Variants in ZNF717 observed in about 807,000 individuals in gnomAD.
ZNF717 encodes the protein zinc finger protein 717.
In ZNF717, 9 loss-of-function variants were observed where a neutral mutation model predicts 13.8. That is an observed-to-expected ratio of 0.65 (90% CI 0.39 to 1.14). ZNF717 has a LOEUF of 1.14. Among genes scored for constraint, ZNF717 ranks in the 50% most tolerant of loss-of-function variants. The pLI is 0.01. For missense variants in ZNF717, 1,040 were observed against 1,080.7 expected (o/e 0.96, Z 0.53); for synonymous variants, 327 against 364.1 (o/e 0.90, Z 1.16).
rs1404952511 is a variant in ZNF717, at chr3:75,780,731, G to A, written c.57+2575C>T. ...AGGAATTTTTTAAGCAAAATTATGC[G>A]AGGCCATTGTTTTAAACTAAGCTCA... is the stretch of plus-strand genomic sequence containing the variant. On this transcript the variant is annotated intron_variant, in intron 2 of 4. Coordinates refer to ENST00000652011, the MANE Select transcript of ZNF717 (RefSeq NM_001290208.3). 8.5e-5 allele frequency among the ~76,000 whole-genome samples: 13 copies of A among 152,344 alleles called. No homozygotes were observed. The Middle Eastern group carries it at 0.027, about 319-fold the overall frequency.
At chr3:75,718,827 T>G (rs1575720549) in intron 4 of ZNF717, among the ~76,000 whole-genome samples, 1 of 152,324 alleles carries the variant, frequency 6.6e-6, no homozygotes, top group East Asian at 1.9e-4. Flanking sequence ...CACCTCCTGA[T>G]GTGCAGCCCG....
At position 75,739,144 on chromosome 3, in the gene ZNF717, T is replaced by C; in HGVS notation, c.479A>G (p.Asn160Ser). ...NSSGMKPGQF[N>S]DCQNMLFPIK... ...AGGGAAAAGCATGTTCTGGCAATCATTAAACTGCCCAGGCTTCATTCCTGA... is the reference window on the plus strand; with the variant it reads ...AGGGAAAAGCATGTTCTGGCAATCACTAAACTGCCCAGGCTTCATTCCTGA... The change falls in exon 5 of 5, where the codon AAT becomes AGT. Residue 160 changes from asparagine to serine, a missense_variant. Transcript: ENST00000652011. 1.3e-6 allele frequency: 2 copies of C among 1,550,810 alleles called. No homozygotes were observed. The highest frequency in any genetic ancestry group is 1.7e-6 in the Non-Finnish European group (2 of 1,146,402).
chr3:75,721,720 A>G (rs1938171166), intron 4 of ZNF717, among the ~76,000 whole-genome samples: 1 of 152,234 alleles, frequency 6.6e-6, no homozygotes, highest in South Asian at 2.1e-4. Flanking sequence ...ATTAAAAATA[A>G]TAGTGATAAA....
At chr3:75,748,428 C>T (rs1194583666) in intron 2 of ZNF717, among the ~76,000 whole-genome samples, 37 of 152,214 alleles carry the variant, frequency 2.4e-4, no homozygotes, top group African/African-American at 8.7e-4. Context: ...AACATCAATG[C>T]GAAAATCCTC....
intron 4 of ZNF717, among the ~76,000 whole-genome samples, chr3:75,740,892 G>T (rs201279822): frequency 2.0e-5 from 3 of 152,012 alleles, no homozygotes; most frequent in Admixed American, 6.6e-5. Flanking sequence ...TTTCATCATC[G>T]TTATAATGAC....
chr3:75,716,121 C>T (rs1938044983), intron 5 of ZNF717, among the ~76,000 whole-genome samples: 1 of 150,462 alleles, frequency 6.6e-6, no homozygotes, highest in Non-Finnish European at 1.5e-5. Flanking sequence ...CAGGCACATG[C>T]CACCATGCCT....
chr3:75,719,496 T>C (rs1559572345), intron 4 of ZNF717, among the ~76,000 whole-genome samples: 2 of 152,206 alleles, frequency 1.3e-5, no homozygotes, highest in Admixed American at 6.5e-5. Flanking sequence ...CATTTAGATA[T>C]GCAGACAGCC....
intron 5 of ZNF717, among the ~76,000 whole-genome samples, chr3:75,712,903 T>C (rs542811706): frequency 2.6e-5 from 4 of 151,936 alleles, no homozygotes; most frequent in Non-Finnish European, 4.4e-5. Context: ...ACATTTTTTC[T>C]TATTAAAAAT....
chr3:75,758,664 C>T (rs1238275343), intron 2 of ZNF717, among the ~76,000 whole-genome samples: 1 of 152,198 alleles, frequency 6.6e-6, no homozygotes. Flanking sequence ...GCCACAGCTA[C>T]CCCAACCCTC....
intron 2 of ZNF717, among the ~76,000 whole-genome samples, chr3:75,753,621 A>T (rs1942159223): frequency 6.6e-6 from 1 of 152,184 alleles, no homozygotes; most frequent in Non-Finnish European, 1.5e-5. Context: ...ATTCCTGAAC[A>T]CTGCTACGAG....
intron 2 of ZNF717, among the ~76,000 whole-genome samples, chr3:75,764,685 A>G (rs1318360174): frequency 3.6e-4 from 55 of 152,338 alleles, no homozygotes; most frequent in African/African-American, 1.2e-3. Context: ...GATGTGTAAC[A>G]TCACTAATCA....
At chr3:75,718,297 T>C (rs1336956681) in intron 4 of ZNF717, among the ~76,000 whole-genome samples, 26 of 152,096 alleles carry the variant, frequency 1.7e-4, no homozygotes, top group Admixed American at 1.4e-3. Context: ...ATCCCAGCCA[T>C]TGGATGTGGG....
chr3:75,708,903 C>A (rs1937867125), downstream of ZNF717, among the ~76,000 whole-genome samples: 1 of 152,114 alleles, frequency 6.6e-6, no homozygotes, highest in South Asian at 2.1e-4. Flanking sequence ...AACATTTATT[C>A]ATGGCAGAAT....
downstream of ZNF717, among the ~76,000 whole-genome samples, chr3:75,727,409 G>T (rs1408780282): frequency 6.6e-6 from 1 of 152,294 alleles, no homozygotes; most frequent in East Asian, 1.9e-4. Flanking sequence ...TTTTCTTCTT[G>T]CAGAGGGCCT....
At chr3:75,721,116 AAT>A (rs1300966900) in intron 4 of ZNF717, among the ~76,000 whole-genome samples, 1 of 152,228 alleles carries the variant, frequency 6.6e-6, no homozygotes, top group Non-Finnish European at 1.5e-5. Context: ...ATATAAAGTT[AAT>A]ATAATTTAAT....
chr3:75,776,740 CAGA>C (rs1246167291), intron 2 of ZNF717, among the ~76,000 whole-genome samples: 3 of 152,146 alleles, frequency 2.0e-5, no homozygotes, highest in East Asian at 3.9e-4. Context: ...GTTTCTCCCC[CAGA>C]AGAAGATGGC....
At chr3:75,713,645 T>G (rs1430291154) in intron 5 of ZNF717, among the ~76,000 whole-genome samples, 7 of 151,976 alleles carry the variant, frequency 4.6e-5, no homozygotes, top group Non-Finnish European at 1.0e-4. Flanking sequence ...AAAGTTAACA[T>G]AGAAAACAAA....
intron 2 of ZNF717, among the ~76,000 whole-genome samples, chr3:75,768,990 G>A (rs1357611058): frequency 6.6e-6 from 1 of 152,224 alleles, no homozygotes; most frequent in African/African-American, 2.4e-5. Flanking sequence ...GCTCTTGAGA[G>A]GGGCAAAGCA....
chr3:75,758,937 C>T (rs1942732281), intron 2 of ZNF717, among the ~76,000 whole-genome samples: 1 of 152,206 alleles, frequency 6.6e-6, no homozygotes. Context: ...GAGGTTGAGG[C>T]TGCAATTACT....
Sources: gnomAD v4.1 joint callset for allele counts (sites outside exome capture counted in the v4.1 genomes callset) on GRCh38, gnomAD v4.1.1 for gene constraint, MANE v1.5 for transcripts, NCBI Gene and HGNC (gene_info 2026-07-23, HGNC 2026-07-21) for gene names.